Variants in PREX1 observed in about 807,000 individuals in gnomAD.
The protein encoded by PREX1 is phosphatidylinositol 3,4,5-trisphosphate-dependent Rac exchanger 1 protein.
In PREX1, 41 loss-of-function variants were observed where a neutral mutation model predicts 198.3. The ratio of observed to expected loss-of-function variants is 0.21; its 90% CI spans 0.16 to 0.27. PREX1 has a LOEUF of 0.27. Ranked by LOEUF, PREX1 falls within the 10% of genes least tolerant of loss-of-function variation. The pLI, the probability that PREX1 is intolerant of heterozygous loss-of-function variation, is 1.00. For missense variants in PREX1, 1,620 were observed against 2,200.7 expected (o/e 0.74, Z 5.28); for synonymous variants, 843 against 887.2 (o/e 0.95, Z 0.89).
chr20:48,827,297 G>A lies in PREX1; in HGVS notation c.219+345C>T, dbSNP rs555447283. 6.6e-6 allele frequency among the ~76,000 whole-genome samples: 1 copy of A among 152,380 alleles called. No homozygotes were observed. The highest frequency in any genetic ancestry group is 2.1e-4 in the South Asian group (1 of 4,828). The stretch of plus-strand genomic sequence containing the variant: ...CTGGGAAAAAGACGCAGGAGCGCCA[G>A]CTCCCGGCGCCGCCGGGGTCCCCAA... On this transcript the variant is annotated intron_variant, in intron 1 of 39. Transcript: ENST00000371941. The surrounding 1 kb of genome is among the most constrained non-coding windows in gnomAD (Gnocchi z 4.1).
intron 1 of PREX1, among the ~76,000 whole-genome samples, chr20:48,816,222 G>A (rs1460436400): frequency 6.6e-6 from 1 of 152,098 alleles, no homozygotes; most frequent in Non-Finnish European, 1.5e-5. Flanking sequence ...GCCAGAGAGG[G>A]AGTAAATAAA....
intron 1 of PREX1, among the ~76,000 whole-genome samples, chr20:48,752,438 C>T (rs117209430): frequency 6.6e-6 from 1 of 152,218 alleles, no homozygotes; most frequent in African/African-American, 2.4e-5. Flanking sequence ...CAGACCCCAC[C>T]CTTACCCCAC....
In PREX1 at chr20:48,634,796, G is replaced by A. The variant is rs199870839; in HGVS notation, c.4168-21C>T. 185 of 1,607,586 alleles carry A rather than the reference G, an allele frequency of 1.2e-4. 1 individual carries two copies. In the Admixed American group the frequency reaches 2.6e-3, roughly 22 times the overall value. ...TCCTTCTGCAGGAAGAAGACAGCGC[G>A]GAGGAGTCTCAGATGCCAACCCTGC... is the stretch of plus-strand genomic sequence containing the variant. On this transcript the variant is annotated intron_variant, in intron 32 of 39. Coordinates refer to ENST00000371941, the MANE Select transcript of PREX1 (RefSeq NM_020820.4).
intron 5 of PREX1, among the ~76,000 whole-genome samples, chr20:48,720,643 T>C (rs2089981039): frequency 6.6e-6 from 1 of 151,986 alleles, no homozygotes; most frequent in Non-Finnish European, 1.5e-5. Flanking sequence ...TGGTGCCACC[T>C]AAAATCTTCT....
intron 5 of PREX1, among the ~76,000 whole-genome samples, chr20:48,712,847 C>T (rs199976431): frequency 1.2e-4 from 19 of 152,214 alleles, no homozygotes; most frequent in African/African-American, 3.6e-4. Context: ...CAAGAAGTAA[C>T]GGCCACAGTG....
chr20:48,651,719 C>T, intron 21 of PREX1, 136 bp from the exon 22 acceptor site: 1 of 809,270 alleles, frequency 1.2e-6, no homozygotes, highest in Non-Finnish European at 1.9e-6. Flanking sequence ...GTACATTCCG[C>T]CAGAGTAGAG....
chr20:48,685,420 C>T (rs1344705223), intron 10 of PREX1, among the ~76,000 whole-genome samples: 5 of 152,244 alleles, frequency 3.3e-5, no homozygotes, highest in African/African-American at 4.8e-5. Flanking sequence ...GTACGATTCC[C>T]ACGAGTCTCA....
At chr20:48,783,767 T>C (rs2224504) in intron 1 of PREX1, among the ~76,000 whole-genome samples, 140,240 of 152,250 alleles carry the variant, frequency 0.92, 64,695 homozygotes, top group African/African-American at 0.96. Context: ...TCTTAAAATG[T>C]TTCTTCAGTA....
Position 48,646,062 on chromosome 20 carries a change from G to A in PREX1, c.3306-5C>T, listed in dbSNP as rs748656265. ...TCTGTGATGGTGGACAGCAGCCTAC[G>A]GAAGCAAAGACCTTGAAGTCAAAGA... On this transcript the variant is annotated splice_region_variant and splice_polypyrimidine_tract_variant and intron_variant, in intron 25 of 39. Transcript: ENST00000371941. 2.4e-5 allele frequency: 39 copies of A among 1,612,524 alleles called. 1 individual carries two copies. Among genetic ancestry groups the A allele is most frequent in the Non-Finnish European group, 2.8e-5 (33 of 1,179,922 alleles).
intron 7 of PREX1, among the ~76,000 whole-genome samples, chr20:48,696,863 T>G (rs2089849106): frequency 6.6e-6 from 1 of 152,104 alleles, no homozygotes; most frequent in Admixed American, 6.6e-5. Flanking sequence ...TTCCTGAGCC[T>G]GCCAATCCTA....
chr20:48,694,479 G>A (rs977619267), intron 7 of PREX1, among the ~76,000 whole-genome samples: 2 of 152,212 alleles, frequency 1.3e-5, no homozygotes, highest in African/African-American at 4.8e-5. Flanking sequence ...TGGAGGCAGG[G>A]CACAGAGACA....
At chr20:48,866,928 CA>C in the PREX1 span, among the ~76,000 whole-genome samples, 52 of 150,752 alleles carry the variant, frequency 3.4e-4, no homozygotes, top group Non-Finnish European at 6.4e-4. Context: ...GATCCTATCT[CA>C]AAAAAAAAGA....
intron 1 of PREX1, 132 bp from the exon 2 acceptor site, chr20:48,748,012 AG>A: frequency 1.3e-6 from 1 of 784,328 alleles, no homozygotes; most frequent in Non-Finnish European, 2.1e-6. Context: ...ACACAGGCAG[AG>A]GACGAGGAAA....
At chr20:48,668,890 G>T (rs572390426) in intron 14 of PREX1, among the ~76,000 whole-genome samples, 45 of 152,268 alleles carry the variant, frequency 3.0e-4, no homozygotes, top group Non-Finnish European at 5.6e-4. Context: ...GGGAGGCCCG[G>T]CAGGCAGCTG....
At chr20:48,826,051 G>A (rs1458431845) in intron 1 of PREX1, among the ~76,000 whole-genome samples, 3 of 151,864 alleles carry the variant, frequency 2.0e-5, no homozygotes, top group African/African-American at 7.3e-5. Flanking sequence ...GTCTAAGGCT[G>A]TCTCCTCCCT....
chr20:48,865,047 T>A, the PREX1 span, among the ~76,000 whole-genome samples: 2 of 152,018 alleles, frequency 1.3e-5, no homozygotes, highest in African/African-American at 4.8e-5. Flanking sequence ...GGGGGGGGTC[T>A]TACCCAACCC....
the PREX1 span, among the ~76,000 whole-genome samples, chr20:48,885,295 T>G: frequency 6.6e-5 from 10 of 152,264 alleles, no homozygotes; most frequent in African/African-American, 2.2e-4. Context: ...TTGCAGGCGC[T>G]TAATAAATAT....
chr20:48,652,158 G>A (rs1004840123), intron 21 of PREX1, among the ~76,000 whole-genome samples: 9 of 152,186 alleles, frequency 5.9e-5, no homozygotes, highest in Non-Finnish European at 1.0e-4. Flanking sequence ...GCGGCCGTGC[G>A]CAGTGGTGCA....
Position 48,637,701 on chromosome 20 carries a change from A to G in PREX1, c.3946+10T>C. ...GGTATGTGCCCCCCACACACCTTTA[A>G]AGGCCTCACCTGTGCACTTCAGCAA... is the stretch of plus-strand genomic sequence containing the variant. On this transcript the variant is annotated intron_variant, in intron 31 of 39. Transcript: ENST00000371941. The G allele has an allele frequency of 5.6e-6, 9 of 1,608,414 alleles. No individual in the cohort carries two copies. Among genetic ancestry groups the G allele is most frequent in the Non-Finnish European group, 6.8e-6 (8 of 1,177,590 alleles).
Sources: gnomAD v4.1 joint callset for allele counts (sites outside exome capture counted in the v4.1 genomes callset) on GRCh38, gnomAD v4.1.1 for gene constraint, Gnocchi (gnomAD v3.1) non-coding constraint, MANE v1.5 for transcripts, NCBI Gene and HGNC (gene_info 2026-07-23, HGNC 2026-07-21) for gene names.